The following WWP1 variants were observed in gnomAD, a reference collection of about 807,000 sequenced individuals.
The protein encoded by WWP1 is NEDD4-like E3 ubiquitin-protein ligase WWP1.
WWP1 carries 49 observed loss-of-function variants against 130.6 expected under a neutral mutation model. That is an observed-to-expected ratio of 0.38 (90% CI 0.30 to 0.48). The LOEUF (loss-of-function observed/expected upper bound fraction) is 0.48. Among genes scored for constraint, WWP1 ranks in the 20% least tolerant of loss-of-function variants. The pLI, the probability that WWP1 is intolerant of heterozygous loss-of-function variation, is 0.99. For missense variants in WWP1, 809 were observed against 1,100.6 expected (o/e 0.74, Z 3.75); for synonymous variants, 332 against 367.8 (o/e 0.90, Z 1.11).
At chr8:86,414,614 C>T (rs1808779348) in intron 9 of WWP1, among the ~76,000 whole-genome samples, 1 of 152,150 alleles carries the variant, frequency 6.6e-6, no homozygotes, top group Non-Finnish European at 1.5e-5. Flanking sequence ...TGTTTGGTAA[C>T]TTACTGAGTC....
chr8:86,425,391 G>A lies in WWP1; in HGVS notation c.1157+73G>A, dbSNP rs1809562791. 7.9e-6 allele frequency: 9 copies of A among 1,142,174 alleles called. No individual in the cohort carries two copies. In the South Asian group the frequency reaches 1.1e-4, roughly 13 times the overall value. 70.8% of individuals were successfully genotyped at this position (1,142,174 alleles called of 1,614,324 possible). On this transcript the variant is annotated intron_variant, in intron 10 of 24. Coordinates refer to ENST00000517970, the MANE Select transcript of WWP1 (RefSeq NM_007013.4). The stretch of plus-strand genomic sequence containing the variant: ...GTGGTTTTTAAATTTATTTAGTACA[G>A]CGTAATTTGATTCTTTCATTCTGCA...
At chr8:86,410,419 C>T (rs568833411) in intron 8 of WWP1, among the ~76,000 whole-genome samples, 9 of 152,008 alleles carry the variant, frequency 5.9e-5, no homozygotes, top group Admixed American at 2.6e-4. Flanking sequence ...TGAAATTGTA[C>T]GTGGTATTTC....
Position 86,442,618 on chromosome 8 carries a change from G to A in WWP1, c.1839-1G>A. On this transcript the variant is annotated splice_acceptor_variant, in intron 17 of 24. Transcript: ENST00000517970. LOFTEE classifies it high-confidence loss of function. ...AATAACCTTGACTTATTTTCTTATA[G>A]AGAATGGTTTTTCTTGCTTTCACAT... 1 of 1,588,036 alleles carries A rather than the reference G, an allele frequency of 6.3e-7. No homozygotes were observed. Among genetic ancestry groups the A allele is most frequent in the Non-Finnish European group, 8.5e-7 (1 of 1,170,010 alleles).
At chr8:86,397,865 A>G (rs1213096357) in intron 5 of WWP1, among the ~76,000 whole-genome samples, 1 of 152,162 alleles carries the variant, frequency 6.6e-6, no homozygotes, top group Non-Finnish European at 1.5e-5. Context: ...ATGGTTTTGC[A>G]TTTGGTCCTC....
chr8:86,361,348 C>T (rs1395099731), intron 1 of WWP1, among the ~76,000 whole-genome samples: 1 of 152,160 alleles, frequency 6.6e-6, no homozygotes, highest in South Asian at 2.1e-4. Flanking sequence ...ATAGATTCTG[C>T]TCCTCAATAC....
At chr8:86,361,217 T>G (rs912894873) in intron 1 of WWP1, among the ~76,000 whole-genome samples, 4 of 152,152 alleles carry the variant, frequency 2.6e-5, no homozygotes, top group African/African-American at 9.7e-5. Flanking sequence ...TGAGAAATTA[T>G]GGGCTTGGAG....
chr8:86,459,618 C>A (rs1397771655), intron 22 of WWP1, among the ~76,000 whole-genome samples: 1 of 152,136 alleles, frequency 6.6e-6, no homozygotes, highest in Admixed American at 6.5e-5. Flanking sequence ...TATACTATTA[C>A]CTATTATAAA....
chr8:86,388,667 A>G (rs1029108223), intron 5 of WWP1, among the ~76,000 whole-genome samples: 3 of 152,020 alleles, frequency 2.0e-5, no homozygotes, highest in Non-Finnish European at 4.4e-5. Context: ...GTTGCTTTGA[A>G]ATTTTCATGT....
chr8:86,361,963 A>AGTGT (rs376616908), intron 1 of WWP1, among the ~76,000 whole-genome samples: 41 of 134,040 alleles, frequency 3.1e-4, no homozygotes, highest in Admixed American at 1.1e-3. Context: ...AAATATGCCT[A>AGTGT]GTGTGTGTGT....
rs1824616484 is a variant in WWP1, at chr8:86,375,866, AT to A, written c.70+1750del. Among the ~76,000 whole-genome samples the A allele has an allele frequency of 2.0e-5, 3 of 152,150 alleles. 1 individual carries two copies. The South Asian group carries it at 6.2e-4, about 32-fold the overall frequency. On this transcript the variant is annotated intron_variant, in intron 3 of 24. Transcript: ENST00000517970. Reference sequence around the variant, plus strand: ...AGTTCCTCTCCATGGGGTCTGCACCATTTTGTGTCTACACCAGCTATACATG... The same window carrying A: ...AGTTCCTCTCCATGGGGTCTGCACCATTTGTGTCTACACCAGCTATACATG...
At chr8:86,366,609 A>G (rs1381388764) in intron 1 of WWP1, among the ~76,000 whole-genome samples, 1 of 152,170 alleles carries the variant, frequency 6.6e-6, no homozygotes, top group Non-Finnish European at 1.5e-5. Context: ...ATGGAAATGA[A>G]AAATCTAACA....
chr8:86,348,518 G>A (rs1175785396), intron 1 of WWP1, among the ~76,000 whole-genome samples: 10 of 152,180 alleles, frequency 6.6e-5, no homozygotes, highest in African/African-American at 2.4e-4. Context: ...ACGCCTGGCC[G>A]TCTTGACATT....
intron 1 of WWP1, chr8:86,343,195 G>A (rs1822330031): frequency 5.5e-6 from 1 of 182,354 alleles, no homozygotes. Context: ...GCGGAGCGAA[G>A]TGTTTCCGTG....
chr8:86,403,927 C>T (rs1162744022), intron 8 of WWP1, among the ~76,000 whole-genome samples: 1 of 152,120 alleles, frequency 6.6e-6, no homozygotes, highest in African/African-American at 2.4e-5. Flanking sequence ...ACATTTGTCT[C>T]TGAGATTCCT....
chr8:86,415,892 C>T (rs1808864524), intron 9 of WWP1, among the ~76,000 whole-genome samples: 1 of 152,142 alleles, frequency 6.6e-6, no homozygotes, highest in African/African-American at 2.4e-5. Flanking sequence ...TTTCTATATT[C>T]TTCGTGCTCA....
intron 9 of WWP1, among the ~76,000 whole-genome samples, chr8:86,414,227 CTGT>C (rs58470676): frequency 0.089 from 13,440 of 151,042 alleles, 1,989 homozygotes; most frequent in African/African-American, 0.31. Context: ...GTTTGTTTTT[CTGT>C]GTGTGTGTGT....
chr8:86,460,459 C>G, intron 22 of WWP1, among the ~76,000 whole-genome samples: 1 of 152,108 alleles, frequency 6.6e-6, no homozygotes, highest in East Asian at 1.9e-4. Context: ...AGTGGGGATG[C>G]TAATGATTCT....
chr8:86,429,294 A>C (rs1809805902), intron 11 of WWP1, among the ~76,000 whole-genome samples: 1 of 152,096 alleles, frequency 6.6e-6, no homozygotes, highest in Non-Finnish European at 1.5e-5. Flanking sequence ...TCACTCTACC[A>C]ACTCAGCTGC....
chr8:86,423,227 A>AT (rs1206606475), intron 9 of WWP1, among the ~76,000 whole-genome samples: 1 of 151,808 alleles, frequency 6.6e-6, no homozygotes, highest in African/African-American at 2.4e-5. Context: ...TATTTATTTT[A>AT]TTTATTTATT....
Sources: allele counts gnomAD v4.1 joint callset (sites outside exome capture counted in the v4.1 genomes callset), GRCh38; gene constraint gnomAD v4.1.1; transcripts MANE v1.5; gene names NCBI Gene and HGNC (gene_info 2026-07-23, HGNC 2026-07-21).